Variants in HSF2BP observed in about 807,000 individuals in gnomAD.
HSF2BP encodes heat shock transcription factor 2 binding protein, also known as heat shock factor 2-binding protein.
HSF2BP carries 35 observed loss-of-function variants against 35.0 expected under a neutral mutation model. The observed-to-expected ratio is 1.00, with a 90% CI of 0.76 to 1.32. The LOEUF (loss-of-function observed/expected upper bound fraction) is 1.32, where lower values mean the gene tolerates loss of function less well. Ranked by LOEUF, HSF2BP falls within the 40% of genes most tolerant of loss-of-function variation. HSF2BP has a pLI of 0.00. For synonymous variants in HSF2BP, 114 were observed against 117.4 expected, an observed-to-expected ratio of 0.97 and a Z score of 0.18; for missense variants, 326 against 321.7, an observed-to-expected ratio of 1.01 and a Z score of -0.10.
In HSF2BP at chr21:43,659,469, C is replaced by T; in HGVS notation, c.-308G>A. 1 of 400,098 alleles carries T rather than the reference C, an allele frequency of 2.5e-6. No homozygotes were observed. The highest frequency in any genetic ancestry group is 3.8e-6 in the Non-Finnish European group (1 of 266,536). 24.8% of individuals were successfully genotyped at this position (400,098 alleles called of 1,614,324 possible). ...ACGGGCTGGGCCGCTCCGCCAGCTG[C>T]CAGGGCCACTGCCGCGCTCACTCCC... is the stretch of plus-strand genomic sequence containing the variant. On this transcript the variant is annotated 5_prime_UTR_variant, in exon 1 of 9. Transcript: ENST00000291560. The surrounding 1 kb of genome is among the most constrained non-coding windows in gnomAD (Gnocchi z 4.2).
intron 8 of HSF2BP, among the ~76,000 whole-genome samples, chr21:43,576,821 C>T (rs1328738685): frequency 6.6e-6 from 1 of 152,168 alleles, no homozygotes; most frequent in Non-Finnish European, 1.5e-5. Flanking sequence ...CACAGACATC[C>T]TCAATTCCCA....
At chr21:43,576,118 CA>C (rs34954288) in intron 8 of HSF2BP, among the ~76,000 whole-genome samples, 97,423 of 114,786 alleles carry the variant, frequency 0.85, 41,158 homozygotes, top group South Asian at 0.94. Context: ...ATTTTGTCTC[CA>C]AAAAAAAAAA....
intron 7 of HSF2BP, 51 bp downstream of exon 7, chr21:43,613,779 A>C (rs758865397): frequency 2.1e-5 from 26 of 1,211,474 alleles, no homozygotes; most frequent in Non-Finnish European, 3.1e-5. Flanking sequence ...CAATCAGCAC[A>C]GTCTAATTAA....
At chr21:43,652,512 C>T (rs562394368) in intron 3 of HSF2BP, among the ~76,000 whole-genome samples, 31 of 151,686 alleles carry the variant, frequency 2.0e-4, no homozygotes, top group Middle Eastern at 3.4e-3. Flanking sequence ...GTATGTCAAA[C>T]GGCTCTTGCT....
intron 4 of HSF2BP, among the ~76,000 whole-genome samples, chr21:43,633,646 C>T (rs1250964990): frequency 6.6e-6 from 1 of 152,228 alleles, no homozygotes; most frequent in Non-Finnish European, 1.5e-5. Context: ...CATACTACCA[C>T]ATTATGGTTG....
chr21:43,576,373 T>C (rs1361291180), intron 8 of HSF2BP, among the ~76,000 whole-genome samples: 1 of 152,216 alleles, frequency 6.6e-6, no homozygotes, highest in African/African-American at 2.4e-5. Flanking sequence ...ACAGAGCCTC[T>C]ACACTACTAA....
Position 43,657,792 on chromosome 21 carries a change from G to A in HSF2BP, c.36+269C>T, listed in dbSNP as rs73908358. The A allele has an allele frequency of 3.3e-3, 3,137 of 964,184 alleles. 75 individuals are homozygous for A. In the African/African-American group the frequency reaches 0.051, roughly 16 times the overall value. 59.7% of individuals were successfully genotyped at this position (964,184 alleles called of 1,614,324 possible). On this transcript the variant is annotated intron_variant, in intron 2 of 8. Transcript: ENST00000291560. ...AGAAGAGAGTGACCATCCATCCCAC[G>A]CTCCCATGCCCGCTTTGGCGCCACT... is the stretch of plus-strand genomic sequence containing the variant.
At chr21:43,459,725 C>T in the HSF2BP span, among the ~76,000 whole-genome samples, 2 of 25,576 alleles carry the variant, frequency 7.8e-5, no homozygotes, top group Non-Finnish European at 7.1e-5. Context: ...GAGGCTCGGC[C>T]CAGGACGTTG....
intron 6 of HSF2BP, 146 bp from the exon 7 acceptor site, chr21:43,614,093 G>A (rs1393322122): frequency 1.5e-6 from 1 of 664,326 alleles, no homozygotes; most frequent in East Asian, 2.7e-5. Context: ...GCTAGGCATG[G>A]TTGTTCACAC....
intron 6 of HSF2BP, among the ~76,000 whole-genome samples, chr21:43,628,611 CAGA>C (rs2082416889): frequency 6.6e-6 from 1 of 152,236 alleles, no homozygotes; most frequent in Admixed American, 6.5e-5. Flanking sequence ...GCAAGTTATC[CAGA>C]AGATCTAGCT....
intron 7 of HSF2BP, among the ~76,000 whole-genome samples, chr21:43,593,561 G>T (rs887767943): frequency 6.6e-6 from 1 of 152,042 alleles, no homozygotes; most frequent in African/African-American, 2.4e-5. Flanking sequence ...TATAAAACTG[G>T]TATGTTTAAT....
chr21:43,603,097 A>G (rs1289523902), intron 7 of HSF2BP, among the ~76,000 whole-genome samples: 1 of 152,254 alleles, frequency 6.6e-6, no homozygotes, highest in Non-Finnish European at 1.5e-5. Context: ...TAAACGCTGG[A>G]GAAATCCACA....
At chr21:43,632,399 T>C (rs1485146852) in intron 5 of HSF2BP, among the ~76,000 whole-genome samples, 556 of 18,080 alleles carry the variant, frequency 0.031, no homozygotes, top group Non-Finnish European at 0.035. Flanking sequence ...ACACACACAC[T>C]CCCCCACACA....
chr21:43,584,091 T>C (rs1438679262), intron 8 of HSF2BP, among the ~76,000 whole-genome samples: 1 of 137,650 alleles, frequency 7.3e-6, no homozygotes, highest in East Asian at 2.2e-4. Context: ...AAGGGCCTGC[T>C]GAGGGAGATG....
At chr21:43,634,311 G>A (rs993217883) in intron 4 of HSF2BP, among the ~76,000 whole-genome samples, 25 of 152,170 alleles carry the variant, frequency 1.6e-4, no homozygotes, top group Admixed American at 6.5e-5. Flanking sequence ...TGAGTGTACT[G>A]CTAGAGTGAT....
intron 2 of HSF2BP, among the ~76,000 whole-genome samples, chr21:43,657,136 C>T (rs576662139): frequency 3.9e-5 from 6 of 152,130 alleles, no homozygotes; most frequent in Non-Finnish European, 7.4e-5. Context: ...TTTGGGAGGC[C>T]GAGGCGGGTG....
chr21:43,639,491 C>T (rs2082607503), intron 4 of HSF2BP, among the ~76,000 whole-genome samples: 1 of 151,614 alleles, frequency 6.6e-6, no homozygotes, highest in African/African-American at 2.4e-5. Context: ...GTAAAAGACA[C>T]GAAAAAAACA....
intron 6 of HSF2BP, among the ~76,000 whole-genome samples, chr21:43,621,422 G>A (rs1380685986): frequency 6.6e-6 from 1 of 151,838 alleles, no homozygotes; most frequent in Non-Finnish European, 1.5e-5. Flanking sequence ...AGCTACTCAG[G>A]AGGCTAAGGC....
chr21:43,613,760 A>C, intron 7 of HSF2BP, 70 bp downstream of exon 7: 1 of 1,019,316 alleles, frequency 9.8e-7, no homozygotes, highest in Non-Finnish European at 1.5e-6. Context: ...GTTTACTTGA[A>C]GAGAGGCCCA....
Sources: gnomAD v4.1 joint callset for allele counts (sites outside exome capture counted in the v4.1 genomes callset) on GRCh38, gnomAD v4.1.1 for gene constraint, Gnocchi (gnomAD v3.1) non-coding constraint, MANE v1.5 for transcripts, NCBI Gene and HGNC (gene_info 2026-07-23, HGNC 2026-07-21) for gene names.